The following TRRAP variants were observed in gnomAD, a reference collection of about 807,000 sequenced individuals.
The protein encoded by TRRAP is transformation/transcription domain associated protein.
TRRAP carries 41 observed loss-of-function variants against 438.8 expected under a neutral mutation model. That is an observed-to-expected ratio of 0.09 (90% CI 0.07 to 0.12). The LOEUF (loss-of-function observed/expected upper bound fraction) is 0.12. Ranked by LOEUF, TRRAP falls within the 10% of genes least tolerant of loss-of-function variation. The pLI is 1.00. For synonymous variants in TRRAP, 1,994 were observed against 1,962.9 expected, an observed-to-expected ratio of 1.02 and a Z score of -0.42; for missense variants, 3,122 against 5,055.1, an observed-to-expected ratio of 0.62 and a Z score of 11.60.
At chr7:98,980,546 G>A (rs1015862173) in intron 58 of TRRAP, among the ~76,000 whole-genome samples, 2 of 152,152 alleles carry the variant, frequency 1.3e-5, no homozygotes, top group Admixed American at 6.5e-5. Context: ...TCTCCACCTG[G>A]CTGAGGAGCG....
chr7:98,892,591 A>G (rs954627059), intron 5 of TRRAP, 63 bp downstream of exon 5: 44 of 1,370,558 alleles, frequency 3.2e-5, no homozygotes, highest in Non-Finnish European at 4.2e-5. Flanking sequence ...GATTTTTCTT[A>G]TGGTAAATTT....
intron 3 of TRRAP, among the ~76,000 whole-genome samples, chr7:98,889,165 G>A (rs1461484342): frequency 6.6e-6 from 1 of 150,704 alleles, no homozygotes; most frequent in Non-Finnish European, 1.5e-5. Context: ...CTACAGACCA[G>A]CTAGTGTGCC....
In TRRAP at chr7:98,931,745, C is replaced by T. The variant is rs1790335332; in HGVS notation, c.3852+80C>T. 3.9e-6 allele frequency: 6 copies of T among 1,549,622 alleles called. No individual in the cohort carries two copies. The South Asian group carries it at 7.5e-5, about 19-fold the overall frequency. Reference sequence around the variant, plus strand: ...TTTTTAAATTTGAGTTGAGGTGATACTCCGTTTATAATTTTGTGTCTTGGT... The same window carrying T: ...TTTTTAAATTTGAGTTGAGGTGATATTCCGTTTATAATTTTGTGTCTTGGT... On this transcript the variant is annotated intron_variant, in intron 26 of 72. Transcript: ENST00000456197.
intron 69 of TRRAP, among the ~76,000 whole-genome samples, chr7:99,008,151 A>G (rs779335048): frequency 6.6e-6 from 1 of 152,132 alleles, no homozygotes; most frequent in Non-Finnish European, 1.5e-5. Flanking sequence ...TTGCCTTCTA[A>G]AGCATTTCTG....
At position 98,977,055 on chromosome 7, in the gene TRRAP, G is replaced by A. The variant is rs571826399; in HGVS notation, c.8364G>A (p.Glu2788=). ...AGACAGCGACTGCGATTGCTTACGA[G>A]CAGCACGGGTTCTTTGAGCAGGTAA... ...YSETATAIAY[E]QHGFFEQAQE... The change falls in exon 56 of 73, where the codon GAG becomes GAA. Residue 2788 remains glutamate, a synonymous_variant. Coordinates refer to ENST00000456197, the MANE Select transcript of TRRAP (RefSeq NM_001375524.1). 11 of 1,614,206 alleles carry A rather than the reference G, an allele frequency of 6.8e-6. No individual in the cohort carries two copies. The South Asian group carries it at 9.9e-5, about 14-fold the overall frequency.
chr7:98,890,750 C>T (rs1350637422), intron 4 of TRRAP, among the ~76,000 whole-genome samples: 2 of 149,698 alleles, frequency 1.3e-5, no homozygotes, highest in Non-Finnish European at 3.0e-5. Flanking sequence ...TATTGCCTAG[C>T]TCCAATCTTA....
chr7:98,932,642 C>T (rs990990730), intron 26 of TRRAP, among the ~76,000 whole-genome samples: 2 of 152,070 alleles, frequency 1.3e-5, no homozygotes, highest in Non-Finnish European at 2.9e-5. Flanking sequence ...CCGTGCCTAT[C>T]CTTAAATTTT....
chr7:98,970,932 C>T (rs1792389141), intron 52 of TRRAP, among the ~76,000 whole-genome samples: 1 of 152,028 alleles, frequency 6.6e-6, no homozygotes, highest in Admixed American at 6.5e-5. Context: ...TTTCTGTCCT[C>T]CATGAAGTAG....
chr7:98,908,585 G>A lies in TRRAP; in HGVS notation c.1116-143G>A. 1 of 663,252 alleles carries A rather than the reference G, an allele frequency of 1.5e-6. No homozygotes were observed. Among genetic ancestry groups the A allele is most frequent in the Non-Finnish European group, 2.6e-6 (1 of 380,746 alleles). 41.1% of individuals were successfully genotyped at this position (663,252 alleles called of 1,614,324 possible). A position where few individuals can be genotyped will look rare whatever the true frequency, so the allele number is the denominator to read the frequency against. ...GCCCTCTTCTGTCATGTATCTGGGAGAGAGTAATGTGGTGAAAATGGGCCA... is the reference window on the plus strand; with the variant it reads ...GCCCTCTTCTGTCATGTATCTGGGAAAGAGTAATGTGGTGAAAATGGGCCA... On this transcript the variant is annotated intron_variant, in intron 13 of 72. Coordinates refer to ENST00000456197, the MANE Select transcript of TRRAP (RefSeq NM_001375524.1). This position sits in a 1 kb window ranked among gnomAD's most constrained non-coding sequence, Gnocchi z 4.1.
Position 98,956,082 on chromosome 7 carries a change from C to T in TRRAP, c.5938-64C>T, listed in dbSNP as rs1234011430. 2.6e-5 allele frequency: 41 copies of T among 1,548,692 alleles called. No homozygotes were observed. Among genetic ancestry groups the T allele is most frequent in the Middle Eastern group, 4.7e-4 (2 of 4,226 alleles). ...GGGGGTGTGTGTGTGCACGTGCGCACACGTGCATGCACTGTGGGACCAAGC... is the reference window on the plus strand; with the variant it reads ...GGGGGTGTGTGTGTGCACGTGCGCATACGTGCATGCACTGTGGGACCAAGC... On this transcript the variant is annotated intron_variant, in intron 41 of 72. Coordinates refer to ENST00000456197, the MANE Select transcript of TRRAP (RefSeq NM_001375524.1). This position sits in a 1 kb window ranked among gnomAD's most constrained non-coding sequence, Gnocchi z 4.5.
chr7:98,992,279 G>A, intron 65 of TRRAP, 52 bp downstream of exon 65: 2 of 1,589,432 alleles, frequency 1.3e-6, no homozygotes, highest in South Asian at 1.1e-5. Context: ...TCATTCCAGG[G>A]GGTGCCCCAC....
At chr7:98,883,422 G>A (rs1795551000) in intron 3 of TRRAP, among the ~76,000 whole-genome samples, 1 of 152,068 alleles carries the variant, frequency 6.6e-6, no homozygotes, top group Non-Finnish European at 1.5e-5. Flanking sequence ...CTGTATGAGG[G>A]CTGCTTTAAA....
rs781992641 is a variant in TRRAP, at chr7:98,945,882, T to G, written c.4528-48T>G. 1.0e-5 allele frequency: 16 copies of G among 1,568,344 alleles called. No individual in the cohort carries two copies. The South Asian group carries it at 1.9e-4, about 18-fold the overall frequency. On this transcript the variant is annotated intron_variant, in intron 32 of 72. Transcript: ENST00000456197. ...CTTTTCTTTTCTTTTCTTTTCTTTT[T>G]ACCTTTCTGTTGCCTTTTTTCATGC...
chr7:98,955,597 G>T (rs1333737704), intron 41 of TRRAP, among the ~76,000 whole-genome samples: 1 of 152,184 alleles, frequency 6.6e-6, no homozygotes, highest in Non-Finnish European at 1.5e-5. Flanking sequence ...TAAGGTGGGA[G>T]ATAGTCCTCA....
intron 26 of TRRAP, 32 bp downstream of exon 26, chr7:98,931,697 T>G (rs183797056): frequency 0.021 from 32,653 of 1,592,658 alleles, 379 homozygotes; most frequent in Non-Finnish European, 0.024. Context: ...CCAAGGTAAT[T>G]TCAACAAAAC....
intron 1 of TRRAP, among the ~76,000 whole-genome samples, chr7:98,879,035 C>T (rs976521136): frequency 3.3e-5 from 5 of 151,846 alleles, no homozygotes; most frequent in Non-Finnish European, 5.9e-5. Flanking sequence ...ACCTCCGGGC[C>T]TCTACGCCGG....
At chr7:98,953,001 G>A (rs1249194016) in intron 39 of TRRAP, among the ~76,000 whole-genome samples, 166 bp from the exon 40 acceptor site, 1 of 138,712 alleles carries the variant, frequency 7.2e-6, no homozygotes, top group African/African-American at 2.6e-5. Flanking sequence ...GGATGTTATT[G>A]ATAACCTCCT....
Position 98,994,438 on chromosome 7 carries a change from G to A in TRRAP, c.10048-149G>A, listed in dbSNP as rs1035575684. On this transcript the variant is annotated intron_variant, in intron 66 of 72. Coordinates refer to ENST00000456197, the MANE Select transcript of TRRAP (RefSeq NM_001375524.1). This position sits in a 1 kb window ranked among gnomAD's most constrained non-coding sequence, Gnocchi z 4.8. ...CACAGGCGTCCCGTTTCTTGCACAC[G>A]CCGATTTCATGCCTGCTGTGTGTGG... is the stretch of plus-strand genomic sequence containing the variant. 11 of 1,187,240 alleles carry A rather than the reference G, an allele frequency of 9.3e-6. No homozygotes were observed. Among genetic ancestry groups the A allele is most frequent in the Non-Finnish European group, 1.2e-5 (10 of 840,932 alleles). The allele number at this position is 1,187,240 out of a possible 1,614,324, so 73.5% of individuals were successfully genotyped here. A position where few individuals can be genotyped will look rare whatever the true frequency, so the allele number is the denominator to read the frequency against.
chr7:98,956,343 C>T lies in TRRAP; in HGVS notation c.6096+39C>T. Reference sequence around the variant, plus strand: ...CCTCAGGGGTGCCCCGATCGTCTTCCTTTGACTTCTCCCTAGAAATCAGTC... The same window carrying T: ...CCTCAGGGGTGCCCCGATCGTCTTCTTTTGACTTCTCCCTAGAAATCAGTC... On this transcript the variant is annotated intron_variant, in intron 42 of 72. Coordinates refer to ENST00000456197, the MANE Select transcript of TRRAP (RefSeq NM_001375524.1). This position sits in a 1 kb window ranked among gnomAD's most constrained non-coding sequence, Gnocchi z 4.5. 6.2e-7 allele frequency: 1 copy of T among 1,613,382 alleles called. No homozygotes were observed. Among genetic ancestry groups the T allele is most frequent in the South Asian group, 1.1e-5 (1 of 91,048 alleles).
Sources: allele counts gnomAD v4.1 joint callset (sites outside exome capture counted in the v4.1 genomes callset), GRCh38; gene constraint gnomAD v4.1.1; non-coding constraint Gnocchi (gnomAD v3.1); transcripts MANE v1.5; gene names NCBI Gene and HGNC (gene_info 2026-07-23, HGNC 2026-07-21).